The following MGMT variants were observed in gnomAD, a reference collection of about 807,000 sequenced individuals.
MGMT encodes the protein methylated-DNA--protein-cysteine methyltransferase.
A neutral mutation model predicts 15.9 loss-of-function variants in MGMT; 14 were observed. The ratio of observed to expected loss-of-function variants is 0.88; its 90% CI spans 0.58 to 1.37. The LOEUF is 1.37. Among genes scored for constraint, MGMT ranks in the 40% most tolerant of loss-of-function variants. The pLI is 0.00. For synonymous variants in MGMT, 130 were observed against 118.2 expected (o/e 1.10, Z -0.65); for missense variants, 282 against 268.1 (o/e 1.05, Z -0.36).
chr10:129,699,085 C>T (rs923696109), intron 2 of MGMT, among the ~76,000 whole-genome samples: 5 of 152,160 alleles, frequency 3.3e-5, no homozygotes, highest in East Asian at 3.9e-4. Context: ...GTGTTTTTAT[C>T]TTCATCTGTC....
chr10:129,562,551 G>T (rs948932854), intron 2 of MGMT, among the ~76,000 whole-genome samples: 13 of 152,364 alleles, frequency 8.5e-5, no homozygotes, highest in African/African-American at 3.1e-4. Flanking sequence ...GTGTCAGGCA[G>T]ACTGGGTGTT....
intron 2 of MGMT, among the ~76,000 whole-genome samples, chr10:129,658,513 C>G (rs117158326): frequency 6.6e-6 from 1 of 152,212 alleles, no homozygotes; most frequent in East Asian, 1.9e-4. Context: ...TGAAATCTTG[C>G]TTTGAAAGTC....
At chr10:129,531,002 T>C (rs1255111409) in intron 1 of MGMT, among the ~76,000 whole-genome samples, 2 of 152,138 alleles carry the variant, frequency 1.3e-5, no homozygotes, top group Non-Finnish European at 2.9e-5. Flanking sequence ...CTAGCCTGGG[T>C]GTGGGCTTGC....
At chr10:129,634,034 A>G (rs1847239350) in intron 2 of MGMT, among the ~76,000 whole-genome samples, 1 of 152,198 alleles carries the variant, frequency 6.6e-6, no homozygotes, top group Non-Finnish European at 1.5e-5. Context: ...GCACTGGTCT[A>G]CTGCAGGTGA....
chr10:129,699,487 A>G (rs1442167849), intron 2 of MGMT, among the ~76,000 whole-genome samples: 1 of 152,068 alleles, frequency 6.6e-6, no homozygotes, highest in Non-Finnish European at 1.5e-5. Context: ...CAAGATACCT[A>G]CGACCACCCA....
chr10:129,506,338 G>T (rs1845625300), intron 1 of MGMT, among the ~76,000 whole-genome samples: 1 of 152,102 alleles, frequency 6.6e-6, no homozygotes, highest in South Asian at 2.1e-4. Flanking sequence ...TTCATCCATG[G>T]CATCCCATCC....
intron 2 of MGMT, among the ~76,000 whole-genome samples, chr10:129,540,464 C>T (rs1347741492): frequency 6.6e-6 from 1 of 152,164 alleles, no homozygotes; most frequent in African/African-American, 2.4e-5. Context: ...GGGGAGCTTG[C>T]AGGATTTCAC....
intron 2 of MGMT, among the ~76,000 whole-genome samples, chr10:129,642,864 C>A (rs1847343316): frequency 6.6e-6 from 1 of 151,652 alleles, no homozygotes; most frequent in Non-Finnish European, 1.5e-5. Flanking sequence ...CCCCGAAGTT[C>A]AAGACTGCAG....
intron 2 of MGMT, among the ~76,000 whole-genome samples, chr10:129,694,522 T>A (rs1848008186): frequency 6.6e-6 from 1 of 152,242 alleles, no homozygotes; most frequent in African/African-American, 2.4e-5. Context: ...CTTCTTTGAG[T>A]AGAAATTGGT....
chr10:129,739,412 C>G (rs1848604405), intron 3 of MGMT, among the ~76,000 whole-genome samples: 1 of 152,226 alleles, frequency 6.6e-6, no homozygotes, highest in South Asian at 2.1e-4. Flanking sequence ...CCCATTGTCT[C>G]AGCCCAAAAT....
chr10:129,560,873 A>T (rs971906527), intron 2 of MGMT, among the ~76,000 whole-genome samples: 1 of 152,106 alleles, frequency 6.6e-6, no homozygotes, highest in Non-Finnish European at 1.5e-5. Context: ...GAAATATGAG[A>T]CTAACACAGA....
At chr10:129,638,453 A>G (rs558318726) in intron 2 of MGMT, among the ~76,000 whole-genome samples, 2 of 149,244 alleles carry the variant, frequency 1.3e-5, no homozygotes, top group African/African-American at 2.4e-5. Context: ...AAAGAAAAAA[A>G]AAAGAAAAAT....
intron 2 of MGMT, among the ~76,000 whole-genome samples, chr10:129,612,990 A>G (rs752182822): frequency 5.3e-5 from 8 of 152,112 alleles, no homozygotes; most frequent in Non-Finnish European, 1.2e-4. Flanking sequence ...TCACCATGTT[A>G]TAGCCGAGTT....
At chr10:129,748,669 C>T (rs747399788) in intron 3 of MGMT, among the ~76,000 whole-genome samples, 14 of 152,144 alleles carry the variant, frequency 9.2e-5, no homozygotes, top group African/African-American at 2.7e-4. Flanking sequence ...TACTAACCCA[C>T]GGACAGATAA....
intron 2 of MGMT, chr10:129,564,040 G>A (rs1344119923): frequency 1.3e-5 from 2 of 152,428 alleles, no homozygotes; most frequent in East Asian, 1.9e-4. Flanking sequence ...CAGTGCCAAA[G>A]GGACAAAGGC....
chr10:129,680,682 C>T (rs568814707), intron 2 of MGMT, among the ~76,000 whole-genome samples: 4 of 152,342 alleles, frequency 2.6e-5, no homozygotes, highest in East Asian at 1.9e-4. Context: ...CTCCGCCTCC[C>T]GCTCCTTTAA....
At chr10:129,759,417 G>C (rs951232500) in intron 4 of MGMT, 76 bp downstream of exon 4, 5 of 1,598,464 alleles carry the variant, frequency 3.1e-6, no homozygotes, top group Non-Finnish European at 4.3e-6. Flanking sequence ...GATCCCACGT[G>C]TTTCCTCGGA....
At chr10:129,578,705 C>CT (rs1160573689) in intron 2 of MGMT, among the ~76,000 whole-genome samples, 2 of 152,126 alleles carry the variant, frequency 1.3e-5, no homozygotes, top group Non-Finnish European at 2.9e-5. Context: ...ACAAGATGAG[C>CT]TTGTGGACTG....
intron 2 of MGMT, among the ~76,000 whole-genome samples, chr10:129,595,848 A>G (rs76253941): frequency 0.032 from 4,921 of 152,212 alleles, 129 homozygotes; most frequent in South Asian, 0.064. Context: ...GCACTCAAGC[A>G]GAGGAGTAAG....
Sources: gnomAD v4.1 joint callset for allele counts (sites outside exome capture counted in the v4.1 genomes callset) on GRCh38, gnomAD v4.1.1 for gene constraint, MANE v1.5 for transcripts, NCBI Gene and HGNC (gene_info 2026-07-23, HGNC 2026-07-21) for gene names.